Variants in ANKS1B observed in about 807,000 individuals in gnomAD.
ANKS1B encodes the protein ankyrin repeat and sterile alpha motif domain containing 1B, also known as ankyrin repeat and sterile alpha motif domain-containing protein 1B.
ANKS1B carries 36 observed loss-of-function variants against 148.3 expected under a neutral mutation model. The observed-to-expected ratio is 0.24, with a 90% CI of 0.19 to 0.32. The LOEUF is 0.32. Among genes scored for constraint, ANKS1B ranks in the 10% least tolerant of loss-of-function variants. ANKS1B has a pLI of 1.00. For synonymous variants in ANKS1B, 542 were observed against 560.8 expected, an observed-to-expected ratio of 0.97 and a Z score of 0.47; for missense variants, 1,157 against 1,542.6, an observed-to-expected ratio of 0.75 and a Z score of 4.19.
intron 8 of ANKS1B, among the ~76,000 whole-genome samples, chr12:99,658,087 T>C (rs527432164): frequency 1.3e-5 from 2 of 152,166 alleles, no homozygotes; most frequent in South Asian, 4.1e-4. Flanking sequence ...TGGAATTGTT[T>C]ACCCTTGCCT....
At chr12:99,030,530 C>CACAT (rs1378735598) in intron 17 of ANKS1B, among the ~76,000 whole-genome samples, 2 of 151,544 alleles carry the variant, frequency 1.3e-5, no homozygotes, top group South Asian at 2.1e-4. Context: ...CCCAACTAAG[C>CACAT]ACATGCAGTA....
intron 20 of ANKS1B, among the ~76,000 whole-genome samples, chr12:98,802,131 G>C (rs2153595652): frequency 6.6e-6 from 1 of 152,320 alleles, no homozygotes; most frequent in African/African-American, 2.4e-5. Context: ...TTTCTAGAGT[G>C]ACTCTCCTCT....
At chr12:99,340,973 C>A (rs146813019) in intron 12 of ANKS1B, 2 of 152,018 alleles carry the variant, frequency 1.3e-5, no homozygotes, top group East Asian at 3.9e-4. Flanking sequence ...CTTAATCGAG[C>A]GCACTTGTCA....
intron 14 of ANKS1B, among the ~76,000 whole-genome samples, chr12:99,190,927 A>G (rs2080588189): frequency 6.6e-6 from 1 of 152,120 alleles, no homozygotes; most frequent in Non-Finnish European, 1.5e-5. Context: ...ATGGGAGAAA[A>G]TTTTTGCAAT....
At chr12:99,968,605 A>C (rs575610792) in intron 1 of ANKS1B, among the ~76,000 whole-genome samples, 19 of 152,290 alleles carry the variant, frequency 1.2e-4, no homozygotes, top group African/African-American at 3.8e-4. Context: ...TGTGGTGAAC[A>C]CTGTACTTTC....
Position 98,903,890 on chromosome 12 carries a change from A to G in ANKS1B, c.2779-71754T>C, listed in dbSNP as rs142629293. Among the ~76,000 whole-genome samples the G allele has an allele frequency of 1.1e-3, 164 of 152,314 alleles. 1 individual carries two copies. Among genetic ancestry groups the G allele is most frequent in the Non-Finnish European group, 1.6e-3 (109 of 68,022 alleles). ...CATTACCAACTGAAGAAGCCCATCC[A>G]TCTTTGAGACTTATATTACTGCAAA... On this transcript the variant is annotated intron_variant, in intron 17 of 26. Transcript: ENST00000683438.
At chr12:99,778,040 T>C (rs963373461) in intron 6 of ANKS1B, among the ~76,000 whole-genome samples, 1 of 151,506 alleles carries the variant, frequency 6.6e-6, no homozygotes, top group Non-Finnish European at 1.5e-5. Flanking sequence ...CTACTAAAAA[T>C]ACCAAAGAAA....
chr12:98,749,602 G>A (rs1439726787), intron 26 of ANKS1B, among the ~76,000 whole-genome samples: 1 of 152,158 alleles, frequency 6.6e-6, no homozygotes. Flanking sequence ...CAGCCATGCA[G>A]AAACCGGGGG....
intron 8 of ANKS1B, among the ~76,000 whole-genome samples, chr12:99,663,356 T>C (rs1252339604): frequency 6.6e-6 from 1 of 152,124 alleles, no homozygotes; most frequent in Non-Finnish European, 1.5e-5. Flanking sequence ...TTAGCTATGA[T>C]CAGAAACCCT....
chr12:99,111,904 T>C (rs1198499801), intron 15 of ANKS1B, among the ~76,000 whole-genome samples: 2 of 152,122 alleles, frequency 1.3e-5, no homozygotes, highest in Non-Finnish European at 2.9e-5. Flanking sequence ...AAGCTTCAGA[T>C]ATAGATTCAG....
At chr12:99,928,446 T>C (rs4764770) in intron 1 of ANKS1B, among the ~76,000 whole-genome samples, 31,514 of 149,252 alleles carry the variant, frequency 0.21, 3,520 homozygotes, top group Middle Eastern at 0.24. Context: ...GCCCGGCTAA[T>C]TTTTTGTATT....
chr12:98,743,175 G>C (rs1332596140), downstream of ANKS1B, among the ~76,000 whole-genome samples: 1 of 152,056 alleles, frequency 6.6e-6, no homozygotes, highest in African/African-American at 2.4e-5. Context: ...ATTTGGCCAC[G>C]TGTTCCTTTA....
intron 12 of ANKS1B, among the ~76,000 whole-genome samples, chr12:99,269,611 T>G (rs749730266): frequency 5.9e-4 from 89 of 152,122 alleles, no homozygotes; most frequent in Admixed American, 2.0e-3. Flanking sequence ...CAGGCTGGAG[T>G]GCAGTAGCGC....
At chr12:99,659,403 T>TA (rs11307067) in intron 8 of ANKS1B, among the ~76,000 whole-genome samples, 15 of 151,428 alleles carry the variant, frequency 9.9e-5, no homozygotes, top group Non-Finnish European at 2.1e-4. Flanking sequence ...AATTCTACTA[T>TA]AAAAAAAAAT....
At chr12:99,627,955 G>T (rs760105159) in intron 9 of ANKS1B, among the ~76,000 whole-genome samples, 3 of 152,124 alleles carry the variant, frequency 2.0e-5, no homozygotes, top group African/African-American at 7.2e-5. Context: ...ATTCCACAAA[G>T]AACGTACAGT....
intron 8 of ANKS1B, among the ~76,000 whole-genome samples, chr12:99,761,637 C>A (rs1203830307): frequency 6.6e-6 from 1 of 151,956 alleles, no homozygotes; most frequent in Non-Finnish European, 1.5e-5. Flanking sequence ...AGGACTAGAA[C>A]AAGACAAGTA....
downstream of ANKS1B, among the ~76,000 whole-genome samples, chr12:98,740,052 T>C (rs2097790414): frequency 1.3e-5 from 2 of 152,048 alleles, no homozygotes; most frequent in Admixed American, 1.3e-4. Flanking sequence ...CATACACCCA[T>C]CAAGTGGTAA....
intron 1 of ANKS1B, among the ~76,000 whole-genome samples, chr12:99,831,604 C>T (rs2153689262): frequency 6.6e-6 from 1 of 152,254 alleles, no homozygotes; most frequent in South Asian, 2.1e-4. Context: ...TCTAACACTG[C>T]CTGCCTCCAG....
chr12:99,124,418 A>ATGTGTGTGTGTGTGTGTGTGTGTGGG (rs71081900), intron 15 of ANKS1B, among the ~76,000 whole-genome samples: 1 of 149,862 alleles, frequency 6.7e-6, no homozygotes, highest in African/African-American at 2.5e-5. Context: ...ATTTGTGTGC[A>ATGTGTGTGTGTGTGTGTGTGTGTGGG]TGTGTGTGTG....
Sources: gnomAD v4.1 joint callset for allele counts (sites outside exome capture counted in the v4.1 genomes callset) on GRCh38, gnomAD v4.1.1 for gene constraint, MANE v1.5 for transcripts, NCBI Gene and HGNC (gene_info 2026-07-23, HGNC 2026-07-21) for gene names.